PCDH9: variants seen among roughly 807,000 people sequenced by gnomAD.
PCDH9 encodes the protein protocadherin-9.
A neutral mutation model predicts 70.6 loss-of-function variants in PCDH9; 24 were observed. The observed-to-expected ratio is 0.34, with a 90% CI of 0.25 to 0.48. PCDH9 has a LOEUF of 0.48. Among genes scored for constraint, PCDH9 ranks in the 20% least tolerant of loss-of-function variants. The probability of loss-of-function intolerance (pLI) is 0.99; values close to 1 mark genes in which losing one functional copy is unlikely to be tolerated. For missense variants in PCDH9, 1,281 were observed against 1,503.6 expected, an observed-to-expected ratio of 0.85 and a Z score of 2.45; for synonymous variants, 562 against 558.5, an observed-to-expected ratio of 1.01 and a Z score of -0.09.
At chr13:67,126,284 A>G (rs955713075) in intron 2 of PCDH9, among the ~76,000 whole-genome samples, 1 of 152,182 alleles carries the variant, frequency 6.6e-6, no homozygotes, top group Non-Finnish European at 1.5e-5. Context: ...GTGAAACTTT[A>G]TCTCTTTAAA....
chr13:67,158,332 A>G (rs1396230469), intron 2 of PCDH9, among the ~76,000 whole-genome samples: 1 of 152,260 alleles, frequency 6.6e-6, no homozygotes, highest in Non-Finnish European at 1.5e-5. Flanking sequence ...AGAAATTAAA[A>G]GTGCGAACTT....
At chr13:66,590,850 T>C (rs998200914) in intron 4 of PCDH9, among the ~76,000 whole-genome samples, 10 of 151,942 alleles carry the variant, frequency 6.6e-5, no homozygotes, top group Admixed American at 2.0e-4. Flanking sequence ...CATCCTCATA[T>C]TGATTTATTC....
At chr13:66,676,583 T>C (rs1361243281) in intron 3 of PCDH9, among the ~76,000 whole-genome samples, 2 of 152,268 alleles carry the variant, frequency 1.3e-5, no homozygotes, top group African/African-American at 4.8e-5. Context: ...TCAGTGAAGC[T>C]GGAATTTTCA....
intron 4 of PCDH9, among the ~76,000 whole-genome samples, chr13:66,526,884 A>C (rs765445988): frequency 1.3e-5 from 2 of 152,198 alleles, no homozygotes; most frequent in African/African-American, 2.4e-5. Context: ...TGATGCAAGC[A>C]AAAGTGCATA....
intron 4 of PCDH9, among the ~76,000 whole-genome samples, chr13:66,622,522 T>C (rs1355705562): frequency 2.0e-5 from 3 of 152,154 alleles, no homozygotes; most frequent in African/African-American, 4.8e-5. Context: ...ATCAACACCC[T>C]GTGTCTAGCT....
At chr13:66,783,279 A>G (rs4883787) in intron 3 of PCDH9, among the ~76,000 whole-genome samples, 76,145 of 151,828 alleles carry the variant, frequency 0.5, 21,473 homozygotes, top group Middle Eastern at 0.65. Context: ...TTCATAATTC[A>G]CATTCTATAG....
chr13:66,593,638 G>T (rs2077065040), intron 4 of PCDH9, among the ~76,000 whole-genome samples: 1 of 151,724 alleles, frequency 6.6e-6, no homozygotes, highest in Admixed American at 6.6e-5. Flanking sequence ...TATTTCTCCA[G>T]TACCTCAAAA....
intron 2 of PCDH9, among the ~76,000 whole-genome samples, chr13:67,153,508 C>G (rs748676643): frequency 6.6e-6 from 1 of 152,156 alleles, no homozygotes; most frequent in Admixed American, 6.5e-5. Flanking sequence ...GCACTTTTCA[C>G]AATACACTTA....
chr13:67,071,569 A>T (rs1226813937), intron 2 of PCDH9, among the ~76,000 whole-genome samples: 1 of 152,136 alleles, frequency 6.6e-6, no homozygotes, highest in Non-Finnish European at 1.5e-5. Context: ...GTTTATCAAT[A>T]AAAAATTCGG....
intron 4 of PCDH9, among the ~76,000 whole-genome samples, chr13:66,465,908 G>A (rs966605598): frequency 4.6e-5 from 7 of 151,912 alleles, no homozygotes; most frequent in Non-Finnish European, 2.9e-5. Context: ...TAGACCCCAT[G>A]TAATGTCCTT....
At chr13:66,659,056 C>A (rs1237390533) in intron 3 of PCDH9, among the ~76,000 whole-genome samples, 2 of 151,842 alleles carry the variant, frequency 1.3e-5, no homozygotes, top group African/African-American at 4.8e-5. Flanking sequence ...TTGCAAAAAA[C>A]AAAACAATAA....
intron 3 of PCDH9, among the ~76,000 whole-genome samples, chr13:66,686,019 T>A (rs1268612255): frequency 6.6e-6 from 1 of 152,188 alleles, no homozygotes; most frequent in Non-Finnish European, 1.5e-5. Flanking sequence ...AATGGTGGAA[T>A]GCGCTAAGAC....
chr13:67,098,106 C>G (rs1002705751), intron 2 of PCDH9, among the ~76,000 whole-genome samples: 1 of 152,086 alleles, frequency 6.6e-6, no homozygotes, highest in Non-Finnish European at 1.5e-5. Flanking sequence ...AAAATAGTTT[C>G]ATTACCAAGA....
At chr13:66,964,264 T>G (rs1412889657) in intron 2 of PCDH9, among the ~76,000 whole-genome samples, 1 of 151,878 alleles carries the variant, frequency 6.6e-6, no homozygotes, top group African/African-American at 2.4e-5. Context: ...AGTACTTCCC[T>G]CTGTGCTTAT....
chr13:66,583,528 C>T (rs901289800), intron 4 of PCDH9, among the ~76,000 whole-genome samples: 1 of 151,784 alleles, frequency 6.6e-6, no homozygotes, highest in African/African-American at 2.4e-5. Flanking sequence ...AGGAGAGCCA[C>T]TTGAATTCCG....
intron 4 of PCDH9, among the ~76,000 whole-genome samples, chr13:66,447,522 G>C (rs1958118752): frequency 6.6e-6 from 1 of 151,880 alleles, no homozygotes; most frequent in African/African-American, 2.4e-5. Flanking sequence ...AATTAATTTG[G>C]CAATCTTTTC....
At chr13:66,406,078 G>T (rs1469418188) in intron 4 of PCDH9, among the ~76,000 whole-genome samples, 1 of 152,110 alleles carries the variant, frequency 6.6e-6, no homozygotes, top group Non-Finnish European at 1.5e-5. Context: ...GCTGCTTTGG[G>T]CATGCAGGAT....
At chr13:66,404,315 G>A (rs1190608881) in intron 4 of PCDH9, among the ~76,000 whole-genome samples, 1 of 152,138 alleles carries the variant, frequency 6.6e-6, no homozygotes, top group Non-Finnish European at 1.5e-5. Context: ...AGAAATTATA[G>A]TCAGAGAGAA....
chr13:66,909,743 T>A (rs1421445746), intron 2 of PCDH9, among the ~76,000 whole-genome samples: 1 of 152,210 alleles, frequency 6.6e-6, no homozygotes, highest in African/African-American at 2.4e-5. Flanking sequence ...TCATCATGCT[T>A]TCTTCCTCCA....
Sources: allele counts gnomAD v4.1 joint callset (sites outside exome capture counted in the v4.1 genomes callset), GRCh38; gene constraint gnomAD v4.1.1; transcripts MANE v1.5; gene names NCBI Gene and HGNC (gene_info 2026-07-23, HGNC 2026-07-21).